Variants in ACACA observed in about 807,000 individuals in gnomAD.
ACACA encodes acetyl-CoA carboxylase 1.
Under a neutral mutation model 296.1 loss-of-function variants are expected in ACACA, and 103 were observed. The ratio of observed to expected loss-of-function variants is 0.35; its 90% CI spans 0.30 to 0.41. The LOEUF (loss-of-function observed/expected upper bound fraction) is 0.41, where lower values mean the gene tolerates loss of function less well. Among genes scored for constraint, ACACA ranks in the 10% least tolerant of loss-of-function variants. The pLI, the probability that ACACA is intolerant of heterozygous loss-of-function variation, is 1.00. For synonymous variants in ACACA, 953 were observed against 1,038.6 expected (o/e 0.92, Z 1.58); for missense variants, 1,554 against 2,989.7 (o/e 0.52, Z 11.20).
At chr17:37,112,296 T>A (rs2074019972) in intron 51 of ACACA, among the ~76,000 whole-genome samples, 1 of 152,166 alleles carries the variant, frequency 6.6e-6, no homozygotes, top group African/African-American at 2.4e-5. Context: ...CTTTCTAGTT[T>A]AAAAAAATTA....
intron 3 of ACACA, among the ~76,000 whole-genome samples, chr17:37,295,834 A>T (rs900039109): frequency 1.3e-5 from 2 of 152,288 alleles, no homozygotes; most frequent in African/African-American, 4.8e-5. Context: ...CTGAGGCATG[A>T]GAATTGCTTG....
intron 43 of ACACA, 138 bp downstream of exon 43, chr17:37,155,545 G>A (rs1447027168): frequency 6.0e-5 from 41 of 684,668 alleles, no homozygotes; most frequent in South Asian, 5.4e-4. Flanking sequence ...TGGTAGAGCT[G>A]GATGTAAACC....
chr17:37,216,244 A>T (rs1218336896), intron 29 of ACACA, among the ~76,000 whole-genome samples: 1 of 151,094 alleles, frequency 6.6e-6, no homozygotes, highest in African/African-American at 2.4e-5. Context: ...AACTATGCTT[A>T]AATCAGAAAA....
intron 48 of ACACA, among the ~76,000 whole-genome samples, chr17:37,123,764 G>A (rs1351626698): frequency 1.3e-5 from 2 of 152,168 alleles, no homozygotes; most frequent in African/African-American, 4.8e-5. Flanking sequence ...GGAGGGTTTA[G>A]AAATATTTCT....
At chr17:37,209,391 C>T (rs2145430844) in intron 30 of ACACA, among the ~76,000 whole-genome samples, 1 of 152,306 alleles carries the variant, frequency 6.6e-6, no homozygotes, top group South Asian at 2.1e-4. Flanking sequence ...AAAGGGAACT[C>T]CCTCTGAAGA....
chr17:37,298,314 T>A (rs1407652023), intron 3 of ACACA, among the ~76,000 whole-genome samples: 1 of 152,196 alleles, frequency 6.6e-6, no homozygotes, highest in African/African-American at 2.4e-5. Flanking sequence ...ATTTTCTGTC[T>A]TTGCCTAAGT....
chr17:37,364,137 AAAAT>A (rs2049519507), intron 1 of ACACA, among the ~76,000 whole-genome samples: 1 of 151,942 alleles, frequency 6.6e-6, no homozygotes, highest in Admixed American at 6.6e-5. Flanking sequence ...ATAAAAATAA[AAAAT>A]AAAAAAATTG....
intron 29 of ACACA, among the ~76,000 whole-genome samples, chr17:37,219,106 C>T (rs2079163700): frequency 6.6e-6 from 1 of 152,168 alleles, no homozygotes; most frequent in South Asian, 2.1e-4. Flanking sequence ...GGGCTTTCAG[C>T]CAGCCAGACC....
At chr17:37,147,302 G>A (rs1323919341) in intron 45 of ACACA, among the ~76,000 whole-genome samples, 2 of 151,974 alleles carry the variant, frequency 1.3e-5, no homozygotes, top group Non-Finnish European at 1.5e-5. Flanking sequence ...CACACAGGGC[G>A]GCACACAGAC....
chr17:37,172,201 T>C (rs537579274), intron 41 of ACACA, among the ~76,000 whole-genome samples: 1 of 152,330 alleles, frequency 6.6e-6, no homozygotes, highest in South Asian at 2.1e-4. Context: ...TCTCTAGACT[T>C]ATTTTTGAAA....
chr17:37,332,467 AT>A (rs1201928225), intron 2 of ACACA, among the ~76,000 whole-genome samples: 1 of 152,064 alleles, frequency 6.6e-6, no homozygotes, highest in Non-Finnish European at 1.5e-5. Context: ...ACCCAGATCA[AT>A]TATTTTAATT....
chr17:37,245,395 T>G (rs2080645376), intron 19 of ACACA, among the ~76,000 whole-genome samples, 181 bp from the exon 20 acceptor site: 1 of 152,230 alleles, frequency 6.6e-6, no homozygotes, highest in African/African-American at 2.4e-5. Context: ...AATCTCTCAG[T>G]ACCTCACTTT....
chr17:37,173,318 C>CA (rs763902225), intron 41 of ACACA, among the ~76,000 whole-genome samples: 4 of 152,148 alleles, frequency 2.6e-5, no homozygotes, highest in Non-Finnish European at 4.4e-5. Context: ...TGAATTAAGA[C>CA]AGAGGGTTAT....
At chr17:37,115,810 G>C (rs1159308202) in intron 50 of ACACA, among the ~76,000 whole-genome samples, 2 of 152,130 alleles carry the variant, frequency 1.3e-5, no homozygotes. Context: ...GTGTACCAGG[G>C]AACATGATTA....
intron 14 of ACACA, among the ~76,000 whole-genome samples, chr17:37,256,923 T>G (rs939705776): frequency 5.3e-5 from 8 of 152,292 alleles, no homozygotes; most frequent in African/African-American, 1.9e-4. Context: ...GTATTAAATG[T>G]TTGATACAAG....
chr17:37,109,852 T>TG (rs2073887239), intron 52 of ACACA, among the ~76,000 whole-genome samples: 1 of 152,138 alleles, frequency 6.6e-6, no homozygotes, highest in Non-Finnish European at 1.5e-5. Flanking sequence ...TAACAGCCAT[T>TG]GGGGGGTTAA....
Position 37,211,529 on chromosome 17 carries a change from G to A in ACACA, c.3684-1039C>T, listed in dbSNP as rs9912155. On this transcript the variant is annotated intron_variant, in intron 29 of 55. Coordinates refer to ENST00000616317, the MANE Select transcript of ACACA (RefSeq NM_198834.3). Reference sequence around the variant, plus strand: ...TAGGGGCATTGTAAGGGGGCTGATCGGTTGATATCTTAACCTTCTAACATT... The same window carrying A: ...TAGGGGCATTGTAAGGGGGCTGATCAGTTGATATCTTAACCTTCTAACATT... 9.8e-3 allele frequency among the ~76,000 whole-genome samples: 1,490 copies of A among 152,274 alleles called. 23 individuals carry two copies. The highest frequency in any genetic ancestry group is 0.034 in the African/African-American group (1,416 of 41,538).
In ACACA at chr17:37,149,971, T is replaced by A; in HGVS notation, c.5572A>T (p.Thr1858Ser). The A allele has an allele frequency of 6.2e-7, 1 of 1,614,048 alleles. No individual in the cohort carries two copies. Residue 1858 changes from threonine (T) to serine (S), a missense_variant, in exon 45 of 56, where the codon ACG (threonine) becomes TCG (serine). Physicochemically the swap from Thr to Ser is moderately conservative, Grantham distance 58. Around this residue, in one of 16 missense-constraint regions of ACACA, gnomAD observed 553 missense variants for 1,043.6 expected, o/e 0.53. Coordinates refer to ENST00000616317, the MANE Select transcript of ACACA (RefSeq NM_198834.3). ...GCCCCAATCCCAATGGCCCGGCACG[T>A]CACCTTAGAAAAGAATAAATTCTAC... ...YNEIITISLV[T>S]CRAIGIGAYL...
chr17:37,329,335 T>C (rs767145220), intron 3 of ACACA, among the ~76,000 whole-genome samples: 19 of 152,152 alleles, frequency 1.2e-4, no homozygotes, highest in Non-Finnish European at 2.8e-4. Flanking sequence ...TAGGTCTCAC[T>C]GAAAGACCTA....
Sources: gnomAD v4.1 joint callset for allele counts (sites outside exome capture counted in the v4.1 genomes callset) on GRCh38, gnomAD v4.1.1 for gene constraint, gnomAD v4.1.1 regional missense constraint, MANE v1.5 for transcripts, NCBI Gene and HGNC (gene_info 2026-07-23, HGNC 2026-07-21) for gene names.